CPM: variants seen among roughly 807,000 people sequenced by gnomAD.
CPM encodes the protein carboxypeptidase M.
A neutral mutation model predicts 46.4 loss-of-function variants in CPM; 35 were observed. The ratio of observed to expected loss-of-function variants is 0.75; its 90% CI spans 0.58 to 1.00. CPM has a LOEUF of 1.00. Among genes scored for constraint, CPM ranks in the 50% least tolerant of loss-of-function variants. The probability of loss-of-function intolerance (pLI) is 0.00; values close to 1 mark genes in which losing one functional copy is unlikely to be tolerated. For missense variants in CPM, 422 were observed against 530.4 expected (o/e 0.80, Z 2.01); for synonymous variants, 195 against 195.3 (o/e 1.00, Z 0.01).
intron 2 of CPM, among the ~76,000 whole-genome samples, chr12:68,931,588 CA>C (rs1468187584): frequency 1.8e-4 from 27 of 151,226 alleles, no homozygotes; most frequent in African/African-American, 5.3e-4. Context: ...ACTAAAAATA[CA>C]AAAAAATTAG....
At chr12:68,909,962 G>A (rs1205617756) in intron 2 of CPM, among the ~76,000 whole-genome samples, 1 of 151,750 alleles carries the variant, frequency 6.6e-6, no homozygotes, top group Admixed American at 6.6e-5. Context: ...TTCTGCACAT[G>A]TAACCCAGAA....
At chr12:68,916,995 T>C (rs1452548406) in intron 2 of CPM, among the ~76,000 whole-genome samples, 1 of 152,136 alleles carries the variant, frequency 6.6e-6, no homozygotes, top group Non-Finnish European at 1.5e-5. Flanking sequence ...AATCTGTCAT[T>C]TTCCTATCAA....
intron 1 of CPM, among the ~76,000 whole-genome samples, chr12:68,952,388 G>A (rs1888949873): frequency 6.6e-6 from 1 of 152,204 alleles, no homozygotes; most frequent in Non-Finnish European, 1.5e-5. Flanking sequence ...GCCCAGGTGA[G>A]AGTCTAGCCT....
chr12:68,955,460 TCTC>T (rs1323241290), intron 1 of CPM, among the ~76,000 whole-genome samples: 1 of 151,478 alleles, frequency 6.6e-6, no homozygotes, highest in Non-Finnish European at 1.5e-5. Context: ...CCGCAGCTCT[TCTC>T]TTCTTCTTGT....
intron 2 of CPM, among the ~76,000 whole-genome samples, chr12:68,923,158 AGAGTGTGTGTGTGT>A (rs1159025919): frequency 0.011 from 1,433 of 131,884 alleles, 31 homozygotes; most frequent in African/African-American, 0.034. Context: ...TATTTGATAT[AGAGTGTGTGTGTGT>A]GTGTGTGTGT....
intron 1 of CPM, among the ~76,000 whole-genome samples, chr12:68,949,525 G>A (rs1888902393): frequency 6.6e-6 from 1 of 152,174 alleles, no homozygotes; most frequent in African/African-American, 2.4e-5. Context: ...ATTAACTCCT[G>A]TAAGCTTCAG....
At chr12:68,935,127 C>G (rs543946212), upstream of CPM, among the ~76,000 whole-genome samples, 1 of 152,228 alleles carries the variant, frequency 6.6e-6, no homozygotes, top group South Asian at 2.1e-4. Flanking sequence ...CCAGGCTGGT[C>G]TGGAACTCCC....
At chr12:68,873,586 G>A (rs1233849551) in intron 3 of CPM, among the ~76,000 whole-genome samples, 1 of 151,184 alleles carries the variant, frequency 6.6e-6, no homozygotes, top group East Asian at 2.0e-4. Context: ...GATCGCTTGT[G>A]CTGCCCAGGA....
chr12:68,958,188 A>G (rs963783205), intron 1 of CPM, among the ~76,000 whole-genome samples: 1 of 152,158 alleles, frequency 6.6e-6, no homozygotes, highest in Non-Finnish European at 1.5e-5. Flanking sequence ...ATGATTTATA[A>G]TCCTTTGGAT....
chr12:68,947,370 A>T (rs1319195075), intron 1 of CPM, among the ~76,000 whole-genome samples: 4 of 152,150 alleles, frequency 2.6e-5, no homozygotes, highest in Non-Finnish European at 5.9e-5. Context: ...GCCAAGACAC[A>T]TAGATCACCT....
At chr12:68,929,179 G>A (rs529851636) in intron 2 of CPM, among the ~76,000 whole-genome samples, 4 of 152,232 alleles carry the variant, frequency 2.6e-5, no homozygotes, top group South Asian at 4.2e-4. Flanking sequence ...TTTGGGGTGT[G>A]TGTGGAGAGA....
At chr12:68,894,363 C>G (rs1428780915) in intron 2 of CPM, among the ~76,000 whole-genome samples, 1 of 152,104 alleles carries the variant, frequency 6.6e-6, no homozygotes, top group African/African-American at 2.4e-5. Flanking sequence ...ATTGGTGTAT[C>G]TCCAGGACTG....
chr12:68,910,574 T>C (rs1042475986), intron 2 of CPM, among the ~76,000 whole-genome samples: 8 of 152,218 alleles, frequency 5.3e-5, no homozygotes, highest in Admixed American at 2.0e-4. Flanking sequence ...AATATCTTTA[T>C]TGAGACATAA....
At chr12:68,943,985 A>G (rs1888803968) in intron 1 of CPM, among the ~76,000 whole-genome samples, 1 of 152,196 alleles carries the variant, frequency 6.6e-6, no homozygotes, top group Admixed American at 6.5e-5. Flanking sequence ...AAATGTATAT[A>G]TAGCAGAGTG....
intron 2 of CPM, among the ~76,000 whole-genome samples, chr12:68,912,964 T>G (rs1233462378): frequency 6.6e-6 from 1 of 152,278 alleles, no homozygotes; most frequent in South Asian, 2.1e-4. Flanking sequence ...TGGTGAGGAC[T>G]GATGTAGTTA....
chr12:68,937,466 C>T (rs1228617913), upstream of CPM, among the ~76,000 whole-genome samples: 2 of 152,100 alleles, frequency 1.3e-5, no homozygotes, highest in Non-Finnish European at 2.9e-5. Flanking sequence ...CACAGCCTCC[C>T]ACAACAAAGA....
At chr12:68,931,727 C>T (rs1368497260) in intron 2 of CPM, among the ~76,000 whole-genome samples, 1 of 110,146 alleles carries the variant, frequency 9.1e-6, no homozygotes, top group Non-Finnish European at 1.6e-5. Flanking sequence ...GCCTGGGCAA[C>T]AGAGCGAGAC....
intron 2 of CPM, among the ~76,000 whole-genome samples, chr12:68,931,508 G>T (rs1888497767): frequency 6.6e-6 from 1 of 151,962 alleles, no homozygotes; most frequent in Admixed American, 6.6e-5. Context: ...ACTTTGGGAG[G>T]CCGAAGCAGG....
chr12:68,927,816 C>T (rs1278224175), intron 2 of CPM, among the ~76,000 whole-genome samples: 3 of 152,076 alleles, frequency 2.0e-5, no homozygotes, highest in East Asian at 1.9e-4. Context: ...TTACAAGGGA[C>T]ATGAAGGGCC....
Sources: gnomAD v4.1 joint callset for allele counts (sites outside exome capture counted in the v4.1 genomes callset) on GRCh38, gnomAD v4.1.1 for gene constraint, MANE v1.5 for transcripts, NCBI Gene and HGNC (gene_info 2026-07-23, HGNC 2026-07-21) for gene names.